Variants in GPC5 observed in about 807,000 individuals in gnomAD.
The protein encoded by GPC5 is glypican 5.
GPC5 carries 47 observed loss-of-function variants against 53.9 expected under a neutral mutation model. That is an observed-to-expected ratio of 0.87 (90% confidence interval 0.69 to 1.11). GPC5 has a LOEUF of 1.11. Among genes scored for constraint, GPC5 ranks in the 50% most tolerant of loss-of-function variants. GPC5 has a pLI of 0.00. For synonymous variants in GPC5, 286 were observed against 263.3 expected (o/e 1.09, Z -0.84); for missense variants, 748 against 713.1 (o/e 1.05, Z -0.56).
intron 5 of GPC5, among the ~76,000 whole-genome samples, chr13:91,783,254 C>G (rs2037826528): frequency 6.6e-6 from 1 of 150,638 alleles, no homozygotes. Flanking sequence ...AACTCCATCT[C>G]AATAAATAAA....
chr13:92,626,288 G>A (rs576507647), intron 7 of GPC5, among the ~76,000 whole-genome samples: 1 of 152,264 alleles, frequency 6.6e-6, no homozygotes, highest in African/African-American at 2.4e-5. Flanking sequence ...AACCCAAACA[G>A]AGCAGTCAAG....
intron 7 of GPC5, among the ~76,000 whole-genome samples, chr13:92,385,081 G>A (rs549748937): frequency 2.1e-4 from 32 of 151,956 alleles, no homozygotes; most frequent in African/African-American, 6.8e-4. Context: ...CTGTAGAAGA[G>A]ATATGAAAAC....
Position 91,573,572 on chromosome 13 carries a change from T to C in GPC5, c.326-119615T>C, listed in dbSNP as rs548952349. On this transcript the variant is annotated intron_variant, in intron 2 of 7. Transcript: ENST00000377067. ...TCTTAAGAGCTCAAACTATAGCTTA[T>C]ATTCAGTATAACACTGATACCCTTT... 8.5e-5 allele frequency among the ~76,000 whole-genome samples: 13 copies of C among 152,306 alleles called. No individual in the cohort carries two copies. The East Asian group carries it at 2.5e-3, about 29-fold the overall frequency.
intron 1 of GPC5, among the ~76,000 whole-genome samples, chr13:91,441,487 C>T (rs1010843361): frequency 6.6e-6 from 1 of 152,164 alleles, no homozygotes; most frequent in Non-Finnish European, 1.5e-5. Context: ...AGACTTTACT[C>T]TGAGCTTGAA....
In GPC5 at chr13:92,190,551, C is replaced by T. The variant is rs554260679; in HGVS notation, c.1561+45562C>T. On this transcript the variant is annotated intron_variant, in intron 7 of 7. Transcript: ENST00000377067. ...TATGTATGCTTATACATAAGTGAAA[C>T]GAATGATAATGATACAAGAGATAGG... is the stretch of plus-strand genomic sequence containing the variant. 9.9e-5 allele frequency among the ~76,000 whole-genome samples: 15 copies of T among 151,462 alleles called. 1 individual carries two copies. The highest frequency in any genetic ancestry group is 8.3e-4 in the South Asian group (4 of 4,812).
chr13:92,555,667 A>T (rs990488896), intron 7 of GPC5, among the ~76,000 whole-genome samples: 1 of 150,080 alleles, frequency 6.7e-6, no homozygotes, highest in Non-Finnish European at 1.5e-5. Flanking sequence ...AAAATTAGAC[A>T]TATAAGAATA....
intron 2 of GPC5, among the ~76,000 whole-genome samples, chr13:91,619,740 C>A (rs555445481): frequency 1.3e-5 from 2 of 152,042 alleles, no homozygotes. Context: ...TTTTGTTCTT[C>A]GGAGTTTTTC....
chr13:91,512,787 G>A (rs557302340), intron 2 of GPC5, among the ~76,000 whole-genome samples: 50 of 152,234 alleles, frequency 3.3e-4, no homozygotes, highest in African/African-American at 1.2e-3. Flanking sequence ...AACAGCTGTG[G>A]GTCTGTTGTC....
chr13:92,374,855 A>T (rs1594143600), intron 7 of GPC5, among the ~76,000 whole-genome samples: 1 of 32,908 alleles, frequency 3.0e-5, no homozygotes, highest in African/African-American at 1.2e-4. Context: ...AAGTATAATA[A>T]AAAAAAAAAA....
At chr13:92,617,921 G>T (rs1167914407) in intron 7 of GPC5, among the ~76,000 whole-genome samples, 1 of 151,994 alleles carries the variant, frequency 6.6e-6, no homozygotes, top group Non-Finnish European at 1.5e-5. Context: ...GTGCCATGTT[G>T]GTGTGCTGCA....
intron 7 of GPC5, among the ~76,000 whole-genome samples, chr13:92,543,546 C>T (rs1436440200): frequency 6.6e-6 from 1 of 151,962 alleles, no homozygotes; most frequent in Admixed American, 6.6e-5. Flanking sequence ...TGACTACTCT[C>T]AGTGACAATG....
At chr13:91,842,678 C>G (rs1298226561) in intron 5 of GPC5, among the ~76,000 whole-genome samples, 5 of 120,694 alleles carry the variant, frequency 4.1e-5, no homozygotes, top group Admixed American at 2.2e-4. Flanking sequence ...CCACTCCAAC[C>G]TGGGAGACAC....
At chr13:92,200,305 G>A (rs1172937777) in intron 7 of GPC5, among the ~76,000 whole-genome samples, 1 of 152,170 alleles carries the variant, frequency 6.6e-6, no homozygotes, top group Non-Finnish European at 1.5e-5. Flanking sequence ...TACTTGATGT[G>A]ACTAAGTGAC....
intron 2 of GPC5, among the ~76,000 whole-genome samples, chr13:91,521,914 G>T (rs537897077): frequency 2.6e-5 from 4 of 152,306 alleles, no homozygotes; most frequent in Non-Finnish European, 5.9e-5. Context: ...CCCTACTTGG[G>T]TTCGATTAAT....
chr13:92,163,478 A>G (rs1224272036), intron 7 of GPC5, among the ~76,000 whole-genome samples: 1 of 149,266 alleles, frequency 6.7e-6, no homozygotes, highest in Non-Finnish European at 1.5e-5. Context: ...AAAAAAAAAA[A>G]GATGGAAAGA....
intron 7 of GPC5, among the ~76,000 whole-genome samples, chr13:92,800,197 C>T (rs1346756559): frequency 6.6e-6 from 1 of 151,834 alleles, no homozygotes; most frequent in African/African-American, 2.4e-5. Context: ...CTATACATGA[C>T]TGTAAAATAA....
chr13:91,559,581 T>A (rs2031144603), intron 2 of GPC5, among the ~76,000 whole-genome samples: 1 of 152,178 alleles, frequency 6.6e-6, no homozygotes, highest in Non-Finnish European at 1.5e-5. Flanking sequence ...AAGAATAGAA[T>A]CCTGAATGAA....
chr13:91,646,634 TGTTA>T (rs1171263625), intron 2 of GPC5, among the ~76,000 whole-genome samples: 1 of 152,154 alleles, frequency 6.6e-6, no homozygotes, highest in Non-Finnish European at 1.5e-5. Flanking sequence ...GAGCACATAC[TGTTA>T]GCCCAGCAAG....
At chr13:91,929,655 T>G (rs987939499) in intron 6 of GPC5, among the ~76,000 whole-genome samples, 1 of 152,108 alleles carries the variant, frequency 6.6e-6, no homozygotes, top group Non-Finnish European at 1.5e-5. Flanking sequence ...TTGCTACCTG[T>G]GTTTGGTTGT....
Sources: gnomAD v4.1 joint callset for allele counts (sites outside exome capture counted in the v4.1 genomes callset) on GRCh38, gnomAD v4.1.1 for gene constraint, MANE v1.5 for transcripts, NCBI Gene and HGNC (gene_info 2026-07-23, HGNC 2026-07-21) for gene names.